Variants in OR2AG1 observed in about 807,000 individuals in gnomAD.
OR2AG1 encodes the protein olfactory receptor family 2 subfamily AG member 1, also known as olfactory receptor 2AG1.
For missense variants in OR2AG1, 391 were observed against 385.9 expected (o/e 1.01, Z -0.11); for synonymous variants, 157 against 155.6 (o/e 1.01, Z -0.07).
chr11:6,791,206 C>G lies in OR2AG1; in HGVS notation c.*5218C>G, dbSNP rs1238959579. The G allele has an allele frequency of 6.6e-6, 1 of 151,624 alleles. No homozygotes were observed. Among genetic ancestry groups the G allele is most frequent in the Non-Finnish European group, 1.5e-5 (1 of 67,714 alleles). The allele number at this position is 151,624 out of a possible 1,614,324, so 9.4% of individuals were successfully genotyped here. A position where few individuals can be genotyped will look rare whatever the true frequency, so the allele number is the denominator to read the frequency against. ...TGATATTTGGTGGAGAAGAACGGAC[C>G]TAGCTCTTTCCCCACTCCAACCAAC... On this transcript the variant is annotated 3_prime_UTR_variant, in exon 2 of 2. Transcript: ENST00000641258.
rs1460630260 is a variant in OR2AG1, at chr11:6,785,090, T to C, written c.53T>C (p.Leu18Pro). Reference sequence around the variant, plus strand: ...AGTGGCTTCATTTTGGTGGGGATTCTGAATGACAGTGGGTCTCCTGAACTG... The same window carrying C: ...AGTGGCTTCATTTTGGTGGGGATTCCGAATGACAGTGGGTCTCCTGAACTG... ...LGSGFILVGI[L>P]NDSGSPELLC... Residue 18 changes from leucine (L) to proline (P), a missense_variant, in exon 2 of 2, where the codon CTG (leucine) becomes CCG (proline). Coordinates refer to ENST00000641258, the MANE Select transcript of OR2AG1 (RefSeq NM_001004489.3). 3 of 1,613,462 alleles carry C rather than the reference T, an allele frequency of 1.9e-6. No homozygotes were observed. The Admixed American group carries it at 5.0e-5, about 27-fold the overall frequency.
At chr11:6,783,871 A>T (rs1471230356) in intron 1 of OR2AG1, among the ~76,000 whole-genome samples, 2 of 152,208 alleles carry the variant, frequency 1.3e-5, no homozygotes, top group Non-Finnish European at 2.9e-5. Context: ...ATGGCCCCAT[A>T]AGAGGCTAGT....
rs751016403 is a variant in OR2AG1 at position 6,786,033 on chromosome 11, A to C, written c.*45A>C. On this transcript the variant is annotated 3_prime_UTR_variant, in exon 2 of 2. Coordinates refer to ENST00000641258, the MANE Select transcript of OR2AG1 (RefSeq NM_001004489.3). The stretch of plus-strand genomic sequence containing the variant: ...TCCAGAATTCCTTCTCCTGAGAGTC[A>C]AAAGATTCATGTTATGAATCAAATA... The C allele has an allele frequency of 1.4e-6, 2 of 1,450,000 alleles. No homozygotes were observed. The highest frequency in any genetic ancestry group is 2.5e-5 in the South Asian group (2 of 79,002). 89.8% of individuals were successfully genotyped at this position (1,450,000 alleles called of 1,614,324 possible).
At position 6,788,480 on chromosome 11, in the gene OR2AG1, G is replaced by C. The variant is rs1847649932; in HGVS notation, c.*2492G>C. The C allele has an allele frequency of 6.6e-6, 1 of 151,966 alleles. No homozygotes were observed. 9.4% of individuals were successfully genotyped at this position (151,966 alleles called of 1,614,324 possible). A position where few individuals can be genotyped will look rare whatever the true frequency, so the allele number is the denominator to read the frequency against. Reference sequence around the variant, plus strand: ...TATTTTGGCTAACTCTTCAGTTCTAGCTTCTTTCTCCTCTTTACTCTTTTG... The same window carrying C: ...TATTTTGGCTAACTCTTCAGTTCTACCTTCTTTCTCCTCTTTACTCTTTTG... On this transcript the variant is annotated 3_prime_UTR_variant, in exon 2 of 2. Coordinates refer to ENST00000641258, the MANE Select transcript of OR2AG1 (RefSeq NM_001004489.3).
rs1454388302 is a variant in OR2AG1, at chr11:6,791,225, A to G, written c.*5237A>G. On this transcript the variant is annotated 3_prime_UTR_variant, in exon 2 of 2. Coordinates refer to ENST00000641258, the MANE Select transcript of OR2AG1 (RefSeq NM_001004489.3). ...ACGGACCTAGCTCTTTCCCCACTCC[A>G]ACCAACCAAAATCTTTGTTGAAAGG... 2 of 152,196 alleles carry G rather than the reference A, an allele frequency of 1.3e-5. No homozygotes were observed. The highest frequency in any genetic ancestry group is 4.8e-5 in the African/African-American group (2 of 41,452). 9.4% of individuals were successfully genotyped at this position (152,196 alleles called of 1,614,324 possible). A position where few individuals can be genotyped will look rare whatever the true frequency, so the allele number is the denominator to read the frequency against.
In OR2AG1 at chr11:6,785,315, C is replaced by T. The variant is rs145208446; in HGVS notation, c.278C>T (p.Ser93Phe). ...TTTCTGCGCAGAGAAAACACCATCTCCTTTGGAGGCTGTGCCCTTCAGATG... is the reference window on the plus strand; with the variant it reads ...TTTCTGCGCAGAGAAAACACCATCTTCTTTGGAGGCTGTGCCCTTCAGATG... ...ADFLRRENTI[S>F]FGGCALQMFL... Residue 93 changes from serine (S) to phenylalanine (F), a missense_variant, in exon 2 of 2, where the codon TCC becomes TTC. Ser to Phe is a radical substitution (Grantham distance 155). Transcript: ENST00000641258. The T allele has an allele frequency of 1.5e-4, 245 of 1,614,190 alleles. 1 individual carries two copies. The highest frequency in any genetic ancestry group is 1.3e-3 in the Middle Eastern group (8 of 6,062).
In OR2AG1 at chr11:6,785,044, C is replaced by A; in HGVS notation, c.7C>A (p.Leu3Ile). ME[L>I]WNFTLGSGFI... ...TGATGAAAGAAACCACAGCATGGAG[C>A]TCTGGAACTTCACCTTGGGAAGTGG... The change falls in exon 2 of 2, where the codon CTC (leucine) becomes ATC (isoleucine). Residue 3 changes from leucine (L) to isoleucine (I), a missense_variant. Transcript: ENST00000641258. 4 of 1,602,834 alleles carry A rather than the reference C, an allele frequency of 2.5e-6. No individual in the cohort carries two copies. Among genetic ancestry groups the A allele is most frequent in the Non-Finnish European group, 3.4e-6 (4 of 1,172,164 alleles).
intron 1 of OR2AG1, among the ~76,000 whole-genome samples, chr11:6,784,669 T>G (rs11041021): frequency 0.17 from 25,647 of 152,232 alleles, 2,263 homozygotes; most frequent in South Asian, 0.28. Context: ...GAAAACTAAC[T>G]GGATAGTTAC....
chr11:6,785,947 G>A lies in OR2AG1; in HGVS notation c.910G>A (p.Val304Ile). The A allele has an allele frequency of 6.2e-7, 1 of 1,613,980 alleles. No homozygotes were observed. Among genetic ancestry groups the A allele is most frequent in the African/African-American group, 1.3e-5 (1 of 75,032 alleles). The change falls in exon 2 of 2, where the codon GTC becomes ATC. Residue 304 changes from valine to isoleucine, a missense_variant. Coordinates refer to ENST00000641258, the MANE Select transcript of OR2AG1 (RefSeq NM_001004489.3). The part of the protein sequence containing the change: ...NKEVMRALRR[V>I]LGKYMLPAHS... ...GGAGGTCATGCGGGCCTTGAGGAGG[G>A]TCCTGGGAAAATACATGCTGCCAGC... is the stretch of plus-strand genomic sequence containing the variant.
Position 6,785,583 on chromosome 11 carries a change from A to G in OR2AG1, c.546A>G (p.Pro182=). ...QEIRHLLCEI[P]HLLKVACADT... ...TCAGGCATCTTCTCTGTGAGATCCC[A>G]CACTTGCTGAAGGTGGCCTGTGCTG... Residue 182 remains proline, a synonymous_variant, in exon 2 of 2, where the codon CCA becomes CCG. Coordinates refer to ENST00000641258, the MANE Select transcript of OR2AG1 (RefSeq NM_001004489.3). 6.2e-7 allele frequency: 1 copy of G among 1,614,150 alleles called. No homozygotes were observed. The highest frequency in any genetic ancestry group is 8.5e-7 in the Non-Finnish European group (1 of 1,180,018).
Position 6,785,412 on chromosome 11 carries a change from C to G in OR2AG1, c.375C>G (p.Ala125=), listed in dbSNP as rs760040931. 3 of 1,614,038 alleles carry G rather than the reference C, an allele frequency of 1.9e-6. No individual in the cohort carries two copies. The part of the protein sequence containing the change: ...LAFMAYDRYV[A]ICHPLTYMTL... ...TCATGGCCTATGACAGGTATGTGGC[C>G]ATTTGTCATCCTCTGACATACATGA... is the stretch of plus-strand genomic sequence containing the variant. The change falls in exon 2 of 2, where the codon GCC becomes GCG. Residue 125 remains alanine, a synonymous_variant. Coordinates refer to ENST00000641258, the MANE Select transcript of OR2AG1 (RefSeq NM_001004489.3).
At position 6,790,434 on chromosome 11, in the gene OR2AG1, GGTGA is replaced by G. The variant is rs1352115137; in HGVS notation, c.*4447_*4450del. The G allele has an allele frequency of 1.3e-5, 2 of 152,146 alleles. No homozygotes were observed. Among genetic ancestry groups the G allele is most frequent in the African/African-American group, 4.8e-5 (2 of 41,424 alleles). The allele number at this position is 152,146 out of a possible 1,614,324, so 9.4% of individuals were successfully genotyped here. ...ACACGCACAGAGGGTAAGTATGTAAGGTGATTGATATGTTGCTCTGTTAATTAGC... is the reference window on the plus strand; with the variant it reads ...ACACGCACAGAGGGTAAGTATGTAAGTTGATATGTTGCTCTGTTAATTAGC... On this transcript the variant is annotated 3_prime_UTR_variant, in exon 2 of 2. Coordinates refer to ENST00000641258, the MANE Select transcript of OR2AG1 (RefSeq NM_001004489.3).
Position 6,786,056 on chromosome 11 carries a change from A to T in OR2AG1, c.*68A>T. ...TCAAAAGATTCATGTTATGAATCAA[A>T]TACTAATGGTAAAACCAATACAGTG... is the stretch of plus-strand genomic sequence containing the variant. On this transcript the variant is annotated 3_prime_UTR_variant, in exon 2 of 2. Coordinates refer to ENST00000641258, the MANE Select transcript of OR2AG1 (RefSeq NM_001004489.3). 6 of 1,236,340 alleles carry T rather than the reference A, an allele frequency of 4.9e-6. No homozygotes were observed. Among genetic ancestry groups the T allele is most frequent in the Non-Finnish European group, 5.7e-6 (5 of 869,940 alleles). The allele number at this position is 1,236,340 out of a possible 1,614,324, so 76.6% of individuals were successfully genotyped here.
chr11:6,785,460 C>T lies in OR2AG1; in HGVS notation c.423C>T (p.Cys141=). 1 of 1,614,152 alleles carries T rather than the reference C, an allele frequency of 6.2e-7. No homozygotes were observed. The highest frequency in any genetic ancestry group is 1.6e-4 in the Middle Eastern group (1 of 6,062). Residue 141 remains cysteine, a synonymous_variant, in exon 2 of 2, where the codon TGC becomes TGT. Transcript: ENST00000641258. ...TYMTLMSSRA[C]WLMVATSWIL... is the part of the protein sequence containing the mutation. Reference sequence around the variant, plus strand: ...TGACCCTCATGAGCTCAAGAGCCTGCTGGCTCATGGTGGCCACGTCCTGGA... The same window carrying T: ...TGACCCTCATGAGCTCAAGAGCCTGTTGGCTCATGGTGGCCACGTCCTGGA...
Position 6,785,188 on chromosome 11 carries a change from A to T in OR2AG1, c.151A>T (p.Met51Leu). 1 of 1,614,146 alleles carries T rather than the reference A, an allele frequency of 6.2e-7. No homozygotes were observed. Among genetic ancestry groups the T allele is most frequent in the Non-Finnish European group, 8.5e-7 (1 of 1,180,010 alleles). Reference protein sequence around the residue: ...SNGLLLLAITMEARLHMPMYL... With the variant: ...SNGLLLLAITLEARLHMPMYL... ...TGGCCTACTGCTCCTGGCTATCACC[A>T]TGGAAGCCCGGCTCCACATGCCCAT... Residue 51 changes from methionine (M) to leucine (L), a missense_variant, in exon 2 of 2, where the codon ATG becomes TTG. By Grantham distance (15) the Met-to-Leu change is conservative. Coordinates refer to ENST00000641258, the MANE Select transcript of OR2AG1 (RefSeq NM_001004489.3).
At position 6,786,774 on chromosome 11, in the gene OR2AG1, T is replaced by C. The variant is rs1309629741; in HGVS notation, c.*786T>C. The stretch of plus-strand genomic sequence containing the variant: ...CATTCCAACCATTGCAGTGTTCACA[T>C]GCATGGTGGGTGTGGATATTTAAGT... On this transcript the variant is annotated 3_prime_UTR_variant, in exon 2 of 2. Coordinates refer to ENST00000641258, the MANE Select transcript of OR2AG1 (RefSeq NM_001004489.3). The C allele has an allele frequency of 6.6e-6, 1 of 152,212 alleles. No homozygotes were observed. Among genetic ancestry groups the C allele is most frequent in the Admixed American group, 6.5e-5 (1 of 15,280 alleles). The allele number at this position is 152,212 out of a possible 1,614,324, so 9.4% of individuals were successfully genotyped here.
In OR2AG1 at chr11:6,787,654, CGTGTGTGTGTGTGT is replaced by C. The variant is rs10561605; in HGVS notation, c.*1683_*1696del. 1 of 147,042 alleles carries C rather than the reference CGTGTGTGTGTGTGT, an allele frequency of 6.8e-6. No homozygotes were observed. The highest frequency in any genetic ancestry group is 2.2e-4 in the South Asian group (1 of 4,484). 9.1% of individuals were successfully genotyped at this position (147,042 alleles called of 1,614,324 possible). ...ATCATTGTTTTACCTTTAACATTGT[CGTGTGTGTGTGTGT>C]GTGTGTGTGTGTGTGTATGTCTCTG... is the stretch of plus-strand genomic sequence containing the variant. On this transcript the variant is annotated 3_prime_UTR_variant, in exon 2 of 2. Coordinates refer to ENST00000641258, the MANE Select transcript of OR2AG1 (RefSeq NM_001004489.3).
In OR2AG1 at chr11:6,785,014, C is replaced by T. The variant is rs185307173; in HGVS notation, c.-20-4C>T. 2,095 of 1,469,284 alleles carry T rather than the reference C, an allele frequency of 1.4e-3. 5 individuals are homozygous for T. Among genetic ancestry groups the T allele is most frequent in the Non-Finnish European group, 1.9e-3 (1,974 of 1,065,244 alleles). The allele number at this position is 1,469,284 out of a possible 1,614,324, so 91.0% of individuals were successfully genotyped here. A position where few individuals can be genotyped will look rare whatever the true frequency, so the allele number is the denominator to read the frequency against. ...AAATTCATGAAGTATCCATCTTGTT[C>T]TAGGTGATGAAAGAAACCACAGCAT... On this transcript the variant is annotated splice_polypyrimidine_tract_variant and splice_region_variant and intron_variant, in intron 1 of 1. Coordinates refer to ENST00000641258, the MANE Select transcript of OR2AG1 (RefSeq NM_001004489.3).
Position 6,785,232 on chromosome 11 carries a change from G to C in OR2AG1, c.195G>C (p.Gln65His), listed in dbSNP as rs146577557. 6.4e-4 allele frequency: 1,033 copies of C among 1,614,112 alleles called. 9 individuals are homozygous for C. In the African/African-American group the frequency reaches 0.011, roughly 17 times the overall value. ...TGCCCATGTACCTCCTGCTTGGGCA[G>C]CTCTCTCTCATGGACCTCCTGTTCA... ...LHMPMYLLLG[Q>H]LSLMDLLFTS... The change falls in exon 2 of 2, where the codon CAG (glutamine) becomes CAC (histidine). Residue 65 changes from glutamine (Q) to histidine (H), a missense_variant. Coordinates refer to ENST00000641258, the MANE Select transcript of OR2AG1 (RefSeq NM_001004489.3).
Sources: allele counts gnomAD v4.1 joint callset (sites outside exome capture counted in the v4.1 genomes callset), GRCh38; gene constraint gnomAD v4.1.1; transcripts MANE v1.5; gene names NCBI Gene and HGNC (gene_info 2026-07-23, HGNC 2026-07-21).